The following DAB2IP variants were observed in gnomAD, a reference collection of about 807,000 sequenced individuals.
DAB2IP encodes the protein DAB2 interacting protein.
A neutral mutation model predicts 107.2 loss-of-function variants in DAB2IP; 28 were observed. The ratio of observed to expected loss-of-function variants is 0.26; its 90% CI spans 0.19 to 0.36. DAB2IP has a LOEUF of 0.36. Ranked by LOEUF, DAB2IP falls within the 10% of genes least tolerant of loss-of-function variation. The pLI, the probability that DAB2IP is intolerant of heterozygous loss-of-function variation, is 1.00. For missense variants in DAB2IP, 1,400 were observed against 1,644.7 expected (o/e 0.85, Z 2.57); for synonymous variants, 755 against 706.4 (o/e 1.07, Z -1.09).
At chr9:121,623,849 G>A (rs1831555198) in intron 1 of DAB2IP, among the ~76,000 whole-genome samples, 1 of 152,078 alleles carries the variant, frequency 6.6e-6, no homozygotes, top group African/African-American at 2.4e-5. Context: ...CACCATGCCT[G>A]GCTAATTTTT....
At chr9:121,711,908 C>G (rs2118781083) in intron 3 of DAB2IP, among the ~76,000 whole-genome samples, 1 of 152,290 alleles carries the variant, frequency 6.6e-6, no homozygotes. Context: ...AGCTTGGGCT[C>G]TGGGCCTCCC....
In DAB2IP at chr9:121,768,347, G is replaced by A. The variant is rs1048919535; in HGVS notation, c.1698-85G>A. The stretch of plus-strand genomic sequence containing the variant: ...GTGGGAGCCTGCCATAGTGGGGAAA[G>A]CGGGTGGTGGTGTCCCAGTGGAGGG... On this transcript the variant is annotated intron_variant, in intron 9 of 15. Transcript: ENST00000408936. 52 of 1,414,454 alleles carry A rather than the reference G, an allele frequency of 3.7e-5. No individual in the cohort carries two copies. In the African/African-American group the frequency reaches 6.6e-4, roughly 18 times the overall value. The allele number at this position is 1,414,454 out of a possible 1,614,324, so 87.6% of individuals were successfully genotyped here. A position where few individuals can be genotyped will look rare whatever the true frequency, so the allele number is the denominator to read the frequency against.
chr9:121,784,994 CGGGGCCCCCT>C (rs2119055211), exon 16 of DAB2IP: 1 of 152,832 alleles, frequency 6.5e-6, no homozygotes, highest in East Asian at 1.9e-4. Context: ...AGAACAGCCC[CGGGGCCCCCT>C]GGTCACCGAG....
At chr9:121,651,379 A>G (rs1832730054), upstream of DAB2IP, among the ~76,000 whole-genome samples, 1 of 151,916 alleles carries the variant, frequency 6.6e-6, no homozygotes, top group South Asian at 2.1e-4. The surrounding 1 kb of genome is among the most constrained non-coding windows in gnomAD (Gnocchi z 5.1). Flanking sequence ...CGCTGGCGGG[A>G]TTGGGTGCCT....
intron 9 of DAB2IP, 134 bp from the exon 10 acceptor site, chr9:121,768,298 C>T: frequency 1.1e-6 from 1 of 928,682 alleles, no homozygotes; most frequent in Non-Finnish European, 1.7e-6. Context: ...AGAGCATATT[C>T]AGCTGACTTG....
chr9:121,660,996 C>T (rs984537942), intron 1 of DAB2IP, among the ~76,000 whole-genome samples: 8 of 151,860 alleles, frequency 5.3e-5, no homozygotes, highest in African/African-American at 9.7e-5. Flanking sequence ...GTCCTTACAG[C>T]GAGAGGAGTG....
chr9:121,692,038 G>A (rs982591239), intron 2 of DAB2IP, among the ~76,000 whole-genome samples: 6 of 152,320 alleles, frequency 3.9e-5, no homozygotes, highest in African/African-American at 7.2e-5. Context: ...CTTGGAAGCC[G>A]TTAAGAGCTG....
In DAB2IP at chr9:121,760,365, A is replaced by G; in HGVS notation, c.1096A>G (p.Ile366Val). The change falls in exon 6 of 16, where the codon ATC becomes GTC. Residue 366 changes from isoleucine to valine, a missense_variant. Coordinates refer to ENST00000408936, the Ensembl canonical transcript of DAB2IP. This position sits in a 1 kb window ranked among gnomAD's most constrained non-coding sequence, Gnocchi z 5.9. ...GGGGCTGTGTGCAGCCCTCGAGCCC[A>G]TCCTCAGTGCCAAGACCAAGGAGGA... 6.2e-7 allele frequency: 1 copy of G among 1,612,120 alleles called. No individual in the cohort carries two copies. Among genetic ancestry groups the G allele is most frequent in the Non-Finnish European group, 8.5e-7 (1 of 1,179,998 alleles).
chr9:121,747,092 T>C (rs1589630759), intron 3 of DAB2IP, among the ~76,000 whole-genome samples: 1 of 152,130 alleles, frequency 6.6e-6, no homozygotes, highest in Non-Finnish European at 1.5e-5. Flanking sequence ...GTTGCTGCAG[T>C]TGTGGCTGGG....
At chr9:121,704,096 G>T (rs1369983853) in intron 3 of DAB2IP, among the ~76,000 whole-genome samples, 1 of 151,914 alleles carries the variant, frequency 6.6e-6, no homozygotes, top group Non-Finnish European at 1.5e-5. Context: ...TTATGTCTAG[G>T]TTTTCTTTAT....
intron 1 of DAB2IP, among the ~76,000 whole-genome samples, chr9:121,602,677 G>A (rs1267517881): frequency 4.6e-5 from 7 of 152,124 alleles, no homozygotes; most frequent in Non-Finnish European, 7.4e-5. Context: ...CTGGGTTCAC[G>A]CCATTCTCCT....
At chr9:121,624,972 C>T (rs1315257956) in intron 1 of DAB2IP, among the ~76,000 whole-genome samples, 3 of 152,254 alleles carry the variant, frequency 2.0e-5, no homozygotes, top group Admixed American at 6.5e-5. Flanking sequence ...CTTCCTGGGC[C>T]GGGATCTCGG....
chr9:121,752,447 C>T (rs935068603), intron 3 of DAB2IP, among the ~76,000 whole-genome samples: 1 of 152,220 alleles, frequency 6.6e-6, no homozygotes, highest in Admixed American at 6.5e-5. Context: ...CACAAGGAGC[C>T]CCCTGCCTGA....
Position 121,585,600 on chromosome 9 carries a change from T to C in DAB2IP, c.40+18372T>C, listed in dbSNP as rs187965223. On this transcript the variant is annotated intron_variant, in intron 1 of 16. Transcript: ENST00000259371. ...GGCTGGGCGCGGTGGCTCACGCCTA[T>C]AATCCCAGCACTTTGGGAGGCCAAG... Among the ~76,000 whole-genome samples, 523 of 152,328 alleles carry C rather than the reference T, an allele frequency of 3.4e-3. 6 individuals are homozygous for C. The highest frequency in any genetic ancestry group is 0.012 in the African/African-American group (491 of 41,566).
Position 121,599,729 on chromosome 9 carries a change from G to A in DAB2IP, c.40+32501G>A, listed in dbSNP as rs2118950044. 6.6e-6 allele frequency among the ~76,000 whole-genome samples: 1 copy of A among 152,162 alleles called. No individual in the cohort carries two copies. Among genetic ancestry groups the A allele is most frequent in the African/African-American group, 2.4e-5 (1 of 41,540 alleles). On this transcript the variant is annotated intron_variant, in intron 1 of 16. Transcript: ENST00000259371. The surrounding 1 kb of genome is among the most constrained non-coding windows in gnomAD (Gnocchi z 6.9). ...GGGCCGCTCAGGCTCCGGAGCCTTT[G>A]GGATGGCAGCGCCCAGCGGCCCGGC...
At chr9:121,774,446 G>A (rs373741460) in intron 13 of DAB2IP, 34 bp downstream of exon 13, 18 of 1,559,892 alleles carry the variant, frequency 1.2e-5, no homozygotes, top group Admixed American at 1.0e-4. Flanking sequence ...GGGACAGGGC[G>A]GGGCTGCCTC....
At chr9:121,679,042 CCAG>C (rs1828433241) in intron 2 of DAB2IP, among the ~76,000 whole-genome samples, 1 of 152,180 alleles carries the variant, frequency 6.6e-6, no homozygotes, top group Admixed American at 6.5e-5. Context: ...GCTATGGGGC[CCAG>C]CGCTGAGCTG....
chr9:121,725,823 TAGCAGGAAGGC>T (rs1831213658), intron 3 of DAB2IP, among the ~76,000 whole-genome samples: 1 of 151,868 alleles, frequency 6.6e-6, no homozygotes, highest in Non-Finnish European at 1.5e-5. Flanking sequence ...GAGGGGAAGG[TAGCAGGAAGGC>T]AGCAGGGTAT....
chr9:121,654,628 C>T (rs1487111453), intron 1 of DAB2IP, among the ~76,000 whole-genome samples: 1 of 152,144 alleles, frequency 6.6e-6, no homozygotes, highest in Admixed American at 6.5e-5. Context: ...CCCAGAGCCA[C>T]AACCACCACC....
Sources: allele counts gnomAD v4.1 joint callset (sites outside exome capture counted in the v4.1 genomes callset), GRCh38; gene constraint gnomAD v4.1.1; non-coding constraint Gnocchi (gnomAD v3.1); transcripts MANE v1.5; gene names NCBI Gene and HGNC (gene_info 2026-07-23, HGNC 2026-07-21).